EML6: variants seen among roughly 807,000 people sequenced by gnomAD.
The protein encoded by EML6 is echinoderm microtubule-associated protein-like 6.
Under a neutral mutation model 240.1 loss-of-function variants are expected in EML6, and 154 were observed. The observed-to-expected ratio is 0.64, with a 90% confidence interval of 0.56 to 0.73. The LOEUF (loss-of-function observed/expected upper bound fraction) is 0.73. Ranked by LOEUF, EML6 falls within the 30% of genes least tolerant of loss-of-function variation. The pLI, the probability that EML6 is intolerant of heterozygous loss-of-function variation, is 0.00. For missense variants in EML6, 2,964 were observed against 2,474.6 expected (o/e 1.20, Z -4.20); for synonymous variants, 1,148 against 899.0 (o/e 1.28, Z -4.95).
intron 17 of EML6, among the ~76,000 whole-genome samples, chr2:54,887,805 T>C (rs1013260784): frequency 2.6e-5 from 4 of 152,138 alleles, no homozygotes; most frequent in Non-Finnish European, 5.9e-5. Context: ...GAGCAGAAAG[T>C]AGAGAGAGTT....
chr2:54,872,614 C>T (rs990940030), intron 16 of EML6, among the ~76,000 whole-genome samples: 2 of 152,194 alleles, frequency 1.3e-5, no homozygotes, highest in Admixed American at 6.5e-5. Context: ...TTGTGGAGCC[C>T]TTGGGACATC....
Position 54,858,947 on chromosome 2 carries a change from G to A in EML6, c.1658-587G>A, listed in dbSNP as rs547219437. Among the ~76,000 whole-genome samples, 4 of 152,290 alleles carry A rather than the reference G, an allele frequency of 2.6e-5. No homozygotes were observed. In the East Asian group the frequency reaches 5.8e-4, roughly 22 times the overall value. On this transcript the variant is annotated intron_variant, in intron 11 of 41. Coordinates refer to ENST00000356458, the MANE Select transcript of EML6 (RefSeq NM_001039753.4). The stretch of plus-strand genomic sequence containing the variant: ...GTAAGATGGACCCTGCTTATTACTC[G>A]AGTGCCTTGATGCCGCTGTGTACTG...
intron 37 of EML6, 124 bp downstream of exon 37, chr2:54,964,282 C>G (rs1207076554): frequency 1.0e-6 from 1 of 955,136 alleles, no homozygotes; most frequent in East Asian, 2.6e-5. Context: ...CAACAAGCCA[C>G]CTATGAAAGA....
In EML6 at chr2:54,903,006, T is replaced by A. The variant is rs970064623; in HGVS notation, c.3125-38T>A. 5 of 1,541,712 alleles carry A rather than the reference T, an allele frequency of 3.2e-6. No homozygotes were observed. The East Asian group carries it at 1.2e-4, about 38-fold the overall frequency. On this transcript the variant is annotated intron_variant, in intron 22 of 41. Transcript: ENST00000356458. The stretch of plus-strand genomic sequence containing the variant: ...TCATGTGGTTTGCTTGACAGTGAAG[T>A]TTTGGATAATAAGTGTTTTTTGTGG...
At chr2:54,827,159 C>G (rs1338635620) in intron 5 of EML6, among the ~76,000 whole-genome samples, 3 of 152,200 alleles carry the variant, frequency 2.0e-5, no homozygotes, top group Non-Finnish European at 2.9e-5. Flanking sequence ...TACAGACTAT[C>G]ACAATTTTCC....
chr2:54,864,476 A>T (rs1056430253), intron 13 of EML6, among the ~76,000 whole-genome samples: 3 of 152,236 alleles, frequency 2.0e-5, no homozygotes, highest in African/African-American at 7.2e-5. Flanking sequence ...TTTTAGCACT[A>T]AACAGTGTTA....
chr2:54,744,772 G>A (rs1683823703), intron 2 of EML6, among the ~76,000 whole-genome samples: 1 of 152,044 alleles, frequency 6.6e-6, no homozygotes, highest in Non-Finnish European at 1.5e-5. Flanking sequence ...TGAGTTTGAG[G>A]TGCCTATTGA....
intron 7 of EML6, among the ~76,000 whole-genome samples, chr2:54,830,296 G>C (rs536213931): frequency 6.6e-6 from 1 of 152,306 alleles, no homozygotes; most frequent in Non-Finnish European, 1.5e-5. Flanking sequence ...CACAGGTTGG[G>C]AGGTTCTGTT....
At chr2:54,802,236 G>A (rs75313268) in intron 2 of EML6, among the ~76,000 whole-genome samples, 4,081 of 152,194 alleles carry the variant, frequency 0.027, 81 homozygotes, top group Non-Finnish European at 0.041. Context: ...CCCGATACAA[G>A]CAAGAATGAA....
At chr2:54,740,829 G>A (rs1683597860) in intron 2 of EML6, among the ~76,000 whole-genome samples, 1 of 151,936 alleles carries the variant, frequency 6.6e-6, no homozygotes, top group South Asian at 2.1e-4. Context: ...GACTGGCCCT[G>A]TTTGTGTATG....
intron 26 of EML6, among the ~76,000 whole-genome samples, chr2:54,921,882 G>C (rs1013060469): frequency 6.6e-6 from 1 of 152,050 alleles, no homozygotes; most frequent in Non-Finnish European, 1.5e-5. Flanking sequence ...ACATTCAAAA[G>C]AATGAATTTG....
chr2:54,959,172 G>T lies in EML6; in HGVS notation c.4764G>T (p.Arg1588=), dbSNP rs1258821498. The change falls in exon 34 of 42, where the codon CGG becomes CGT. Residue 1588 remains arginine, a synonymous_variant. Transcript: ENST00000356458. ...TCTGGAAGGACCACTTCCTCATCCG[G>T]CTGGTGGCCAAGGCTCACACAGGCC... ...VYVWKDHFLI[R]LVAKAHTGPV... is the part of the protein sequence containing the mutation. The T allele has an allele frequency of 1.3e-6, 2 of 1,551,518 alleles. No individual in the cohort carries two copies. Among genetic ancestry groups the T allele is most frequent in the African/African-American group, 1.4e-5 (1 of 73,038 alleles).
intron 7 of EML6, 67 bp downstream of exon 7, chr2:54,829,544 A>G (rs1316039258): frequency 5.2e-6 from 7 of 1,334,564 alleles, no homozygotes; most frequent in Non-Finnish European, 5.1e-6. Context: ...CTGTATTCAT[A>G]TTTGTTTCTC....
intron 22 of EML6, 84 bp downstream of exon 22, chr2:54,899,866 T>C: frequency 3.0e-6 from 4 of 1,334,164 alleles, no homozygotes; most frequent in Non-Finnish European, 4.1e-6. Flanking sequence ...TAATATTTAC[T>C]GAGGGCACGT....
In EML6 at chr2:54,820,457, A is replaced by G. The variant is rs987959115; in HGVS notation, c.520A>G (p.Ile174Val). Residue 174 changes from isoleucine to valine, a missense_variant, in exon 5 of 42, where the codon ATA becomes GTA. Physicochemically the swap from Ile to Val is conservative, Grantham distance 29 (BLOSUM62 3). Transcript: ENST00000356458. ...NRVVSCGVKH[I>V]KFWTLCGNAL... ...AGTGGTTAGCTGTGGAGTAAAACAC[A>G]TAAAGGTAAAGCTTTTTGTTTTTTA... The G allele has an allele frequency of 6.5e-7, 1 of 1,540,928 alleles. No homozygotes were observed. Among genetic ancestry groups the G allele is most frequent in the Non-Finnish European group, 8.8e-7 (1 of 1,138,624 alleles).
intron 26 of EML6, among the ~76,000 whole-genome samples, chr2:54,924,948 A>T (rs1459579383): frequency 6.6e-6 from 1 of 152,020 alleles, no homozygotes; most frequent in Non-Finnish European, 1.5e-5. Context: ...TTCCAGCTGT[A>T]TAGTCACACT....
At chr2:54,760,822 A>ATTTTTTTTTTTTTTTTTTTTTT (rs200476039) in intron 2 of EML6, among the ~76,000 whole-genome samples, 1 of 120,426 alleles carries the variant, frequency 8.3e-6, no homozygotes, top group African/African-American at 3.3e-5. Context: ...TTGAGGGAGC[A>ATTTTTTTTTTTTTTTTTTTTTT]TTTTTTTTTT....
chr2:54,845,337 G>A (rs2116435), intron 8 of EML6, among the ~76,000 whole-genome samples: 107,546 of 152,068 alleles, frequency 0.71, 38,859 homozygotes, highest in African/African-American at 0.86. Flanking sequence ...GAATTTTCCC[G>A]CTTATTCAGA....
intron 10 of EML6, among the ~76,000 whole-genome samples, chr2:54,851,274 G>A (rs141920119): frequency 0.014 from 2,061 of 152,204 alleles, 29 homozygotes; most frequent in Middle Eastern, 0.024. Flanking sequence ...TCAGCCAGGC[G>A]CGGTGGCGGG....
Sources: allele counts gnomAD v4.1 joint callset (sites outside exome capture counted in the v4.1 genomes callset), GRCh38; gene constraint gnomAD v4.1.1; transcripts MANE v1.5; gene names NCBI Gene and HGNC (gene_info 2026-07-23, HGNC 2026-07-21).